The following EIF2D variants were observed in gnomAD, a reference collection of about 807,000 sequenced individuals.
EIF2D encodes hepatocellular carcinoma-associated antigen 56.
EIF2D carries 56 observed loss-of-function variants against 77.4 expected under a neutral mutation model. That is an observed-to-expected ratio of 0.72 (90% CI 0.58 to 0.90). The LOEUF is 0.90. Ranked by LOEUF, EIF2D falls within the 40% of genes least tolerant of loss-of-function variation. The pLI, the probability that EIF2D is intolerant of heterozygous loss-of-function variation, is 0.00. For missense variants in EIF2D, 574 were observed against 706.5 expected (o/e 0.81, Z 2.13); for synonymous variants, 230 against 271.0 (o/e 0.85, Z 1.49).
chr1:206,605,484 G>A lies in EIF2D; in HGVS notation c.446C>T (p.Ala149Val). The change falls in exon 5 of 15, where the codon GCA becomes GTA. Residue 149 changes from alanine to valine, a missense_variant. By Grantham distance (64) the Ala-to-Val change is moderately conservative. Transcript: ENST00000271764. The stretch of plus-strand genomic sequence containing the variant: ...GAGCATCTCAGCTGTGGACATGGCT[G>A]CAACTCCAATGGCTACAGGGGCTCT... ...GNRAPVAIGV[A>V]AMSTAEMLTS... 1 of 1,614,114 alleles carries A rather than the reference G, an allele frequency of 6.2e-7. No individual in the cohort carries two copies. The highest frequency in any genetic ancestry group is 8.5e-7 in the Non-Finnish European group (1 of 1,180,004).
chr1:206,585,387 G>A, intron 2 of EIF2D: 2 of 890,476 alleles, frequency 2.2e-6, no homozygotes, highest in Non-Finnish European at 3.8e-6. Flanking sequence ...ATAGGTGGGA[G>A]CCACGCAGCA....
chr1:206,599,959 A>G lies in EIF2D; in HGVS notation c.949-123T>C. Reference sequence around the variant, plus strand: ...GGGATATGAGACAGCCCCTGCCTTCATCAACCAGGAACTGGGAGGCCCCCA... The same window carrying G: ...GGGATATGAGACAGCCCCTGCCTTCGTCAACCAGGAACTGGGAGGCCCCCA... On this transcript the variant is annotated intron_variant, in intron 8 of 14. Transcript: ENST00000271764. The surrounding 1 kb of genome is among the most constrained non-coding windows in gnomAD (Gnocchi z 4.1). 1 of 958,604 alleles carries G rather than the reference A, an allele frequency of 1.0e-6. No individual in the cohort carries two copies. Among genetic ancestry groups the G allele is most frequent in the Non-Finnish European group, 1.5e-6 (1 of 646,016 alleles). 59.4% of individuals were successfully genotyped at this position (958,604 alleles called of 1,614,324 possible). A position where few individuals can be genotyped will look rare whatever the true frequency, so the allele number is the denominator to read the frequency against.
chr1:206,590,725 G>A (rs781797146), downstream of EIF2D, among the ~76,000 whole-genome samples: 5 of 152,086 alleles, frequency 3.3e-5, no homozygotes, highest in Non-Finnish European at 7.4e-5. Context: ...AGCCTCAAAC[G>A]GGCAATTTGT....
intron 14 of EIF2D, 113 bp downstream of exon 14, chr1:206,593,506 A>AGTGTGTGTGT (rs1286437460): frequency 0.071 from 30,776 of 436,328 alleles, 1,249 homozygotes; most frequent in East Asian, 0.14. Context: ...AGAGAGAGAG[A>AGTGTGTGTGT]GAGTGTGTGT....
chr1:206,605,339 G>A (rs1430897101), intron 5 of EIF2D, 61 bp downstream of exon 5: 1 of 1,336,512 alleles, frequency 7.5e-7, no homozygotes, highest in African/African-American at 1.4e-5. Flanking sequence ...CTGAATCACA[G>A]GCCCCATCCT....
At chr1:206,583,135 C>A in intron 2 of EIF2D, 1 of 636,472 alleles carries the variant, frequency 1.6e-6, no homozygotes, top group East Asian at 2.8e-5. Context: ...CACTCCGAGT[C>A]CGTGCAGTTA....
At chr1:206,569,783 A>G (rs377606348), downstream of EIF2D, among the ~76,000 whole-genome samples, 11 of 152,306 alleles carry the variant, frequency 7.2e-5, no homozygotes, top group East Asian at 3.9e-4. Flanking sequence ...CATGCCCGCT[A>G]CGACTGCAGC....
At chr1:206,583,431 G>T (rs1157983646) in intron 2 of EIF2D, 6 of 1,249,558 alleles carry the variant, frequency 4.8e-6, no homozygotes, top group Non-Finnish European at 7.1e-6. Context: ...CCCGCTTCGG[G>T]TTTGGCGCCT....
downstream of EIF2D, among the ~76,000 whole-genome samples, chr1:206,589,754 C>T (rs1178143588): frequency 6.6e-6 from 1 of 152,172 alleles, no homozygotes. Context: ...AGTTCTCTGA[C>T]TTTCATCAAA....
intron 4 of EIF2D, among the ~76,000 whole-genome samples, chr1:206,574,468 G>A (rs940262927): frequency 4.6e-5 from 7 of 152,144 alleles, no homozygotes; most frequent in Non-Finnish European, 8.8e-5. Flanking sequence ...TCTGCTCTAC[G>A]TTTTTGTCTT....
intron 4 of EIF2D, among the ~76,000 whole-genome samples, chr1:206,577,994 G>A (rs1193668604): frequency 6.6e-6 from 1 of 152,140 alleles, no homozygotes; most frequent in African/African-American, 2.4e-5. Flanking sequence ...AGGCTGAAGT[G>A]AGAGTATTGC....
At chr1:206,589,551 G>A (rs1363436342), downstream of EIF2D, 1 of 152,206 alleles carries the variant, frequency 6.6e-6, no homozygotes, top group Non-Finnish European at 1.5e-5. Context: ...TGATGTGTGG[G>A]AAAGAGAAGG....
chr1:206,593,096 G>C (rs1201131301), intron 14 of EIF2D, among the ~76,000 whole-genome samples: 1 of 138,822 alleles, frequency 7.2e-6, no homozygotes, highest in Non-Finnish European at 1.5e-5. Flanking sequence ...GGGTGACAGA[G>C]CGAGATTCTG....
At chr1:206,588,696 G>T (rs1669233225), downstream of EIF2D, 1 of 152,530 alleles carries the variant, frequency 6.6e-6, no homozygotes, top group South Asian at 2.1e-4. Flanking sequence ...GAGCTTCAAA[G>T]GCAACACAAG....
At chr1:206,595,283 C>T (rs1669591792) in intron 13 of EIF2D, 1 of 153,728 alleles carries the variant, frequency 6.5e-6, no homozygotes, top group Non-Finnish European at 1.4e-5. Flanking sequence ...CAGGGGACAG[C>T]TTTGCACATA....
chr1:206,595,784 G>C lies in EIF2D; in HGVS notation c.1443C>G (p.Pro481=), dbSNP rs782421936. 1 of 1,614,130 alleles carries C rather than the reference G, an allele frequency of 6.2e-7. No homozygotes were observed. The highest frequency in any genetic ancestry group is 1.7e-5 in the Admixed American group (1 of 60,016). The change falls in exon 13 of 15, where the codon CCC becomes CCG. Residue 481 remains proline, a synonymous_variant. Transcript: ENST00000271764. ...GACAGATTCTCCCTTTCTTCACAAT[G>C]GGCTCTTGTCCGGGAAGGGTCACTT... ...AYQVTLPGQE[P]IVKKGRICPI...
rs782179168 is a variant in EIF2D, at chr1:206,592,584, G to A, written c.1685-739C>T. ...TGGTGCCTGCAACATGGGTGTAGGA[G>A]CTGCCAGAGAGAGCCTGGCAGGGAA... is the stretch of plus-strand genomic sequence containing the variant. On this transcript the variant is annotated intron_variant, in intron 14 of 14. Coordinates refer to ENST00000271764, the MANE Select transcript of EIF2D (RefSeq NM_006893.3). This position sits in a 1 kb window ranked among gnomAD's most constrained non-coding sequence, Gnocchi z 4.7. Among the ~76,000 whole-genome samples the A allele has an allele frequency of 2.0e-5, 3 of 152,252 alleles. No homozygotes were observed. Among genetic ancestry groups the A allele is most frequent in the Non-Finnish European group, 2.9e-5 (2 of 68,034 alleles).
chr1:206,593,506 A>AGTGTGTGTGTGTGC, intron 14 of EIF2D, 113 bp downstream of exon 14: 1 of 441,294 alleles, frequency 2.3e-6, no homozygotes, highest in Non-Finnish European at 3.6e-6. Context: ...AGAGAGAGAG[A>AGTGTGTGTGTGTGC]GAGTGTGTGT....
chr1:206,586,616 T>A (rs1669123827), intron 2 of EIF2D: 2 of 546,426 alleles, frequency 3.7e-6, no homozygotes, highest in Non-Finnish European at 6.5e-6. Context: ...CAACTCTTGG[T>A]CATGAGATGC....
Sources: gnomAD v4.1 joint callset for allele counts (sites outside exome capture counted in the v4.1 genomes callset) on GRCh38, gnomAD v4.1.1 for gene constraint, Gnocchi (gnomAD v3.1) non-coding constraint, MANE v1.5 for transcripts, NCBI Gene and HGNC (gene_info 2026-07-23, HGNC 2026-07-21) for gene names.